ARHGAP12: variants seen among roughly 807,000 people sequenced by gnomAD.
ARHGAP12 encodes rho GTPase-activating protein 12.
ARHGAP12 carries 64 observed loss-of-function variants against 108.6 expected under a neutral mutation model. That is an observed-to-expected ratio of 0.59 (90% CI 0.48 to 0.73). ARHGAP12 has a LOEUF of 0.73. Ranked by LOEUF, ARHGAP12 falls within the 30% of genes least tolerant of loss-of-function variation. The probability of loss-of-function intolerance (pLI) is 0.00; values close to 1 mark genes in which losing one functional copy is unlikely to be tolerated. For missense variants in ARHGAP12, 940 were observed against 1,005.9 expected (o/e 0.93, Z 0.89); for synonymous variants, 312 against 337.2 (o/e 0.93, Z 0.82).
chr10:31,826,572 C>T (rs1317238964), intron 10 of ARHGAP12, among the ~76,000 whole-genome samples, 187 bp from the exon 11 acceptor site: 1 of 152,150 alleles, frequency 6.6e-6, no homozygotes, highest in Admixed American at 6.5e-5. Flanking sequence ...CAAACCTGAT[C>T]ATGAAGGCCC....
At chr10:31,866,608 A>C (rs546821947) in intron 3 of ARHGAP12, among the ~76,000 whole-genome samples, 98 of 152,004 alleles carry the variant, frequency 6.4e-4, no homozygotes, top group Non-Finnish European at 1.1e-3. Flanking sequence ...AAAAAGTTGA[A>C]GGAAATGCTC....
intron 13 of ARHGAP12, among the ~76,000 whole-genome samples, chr10:31,817,523 CT>C (rs1034535649): frequency 3.5e-4 from 54 of 152,294 alleles, no homozygotes; most frequent in African/African-American, 1.2e-3. Context: ...TTTACCCCTT[CT>C]TTTTGAACTA....
rs141368890 is a variant in ARHGAP12 at position 31,864,768 on chromosome 10, AATTGAGC to A, written c.685-3117_685-3111del. Among the ~76,000 whole-genome samples, 359 of 152,330 alleles carry A rather than the reference AATTGAGC, an allele frequency of 2.4e-3. 3 individuals are homozygous for A. Among genetic ancestry groups the A allele is most frequent in the African/African-American group, 8.2e-3 (342 of 41,578 alleles). ...TTAAGATAGAAACTATTGACAAATG[AATTGAGC>A]ATCATGTACTCAAGCTAGGTGATTA... On this transcript the variant is annotated intron_variant, in intron 3 of 19. Coordinates refer to ENST00000344936, the MANE Select transcript of ARHGAP12 (RefSeq NM_018287.7).
chr10:31,870,481 C>G (rs1327777922), intron 3 of ARHGAP12, among the ~76,000 whole-genome samples: 1 of 152,300 alleles, frequency 6.6e-6, no homozygotes, highest in East Asian at 1.9e-4. Context: ...CCACCCGCCT[C>G]AGCCTCCCAA....
chr10:31,881,037 C>G (rs574146344), intron 3 of ARHGAP12, among the ~76,000 whole-genome samples: 3 of 151,932 alleles, frequency 2.0e-5, no homozygotes, highest in Non-Finnish European at 2.9e-5. Context: ...CAATTCCCCC[C>G]ACCTTCCCCT....
intron 1 of ARHGAP12, among the ~76,000 whole-genome samples, chr10:31,912,305 A>AG (rs1839385781): frequency 6.6e-6 from 1 of 152,220 alleles, no homozygotes; most frequent in Non-Finnish European, 1.5e-5. Flanking sequence ...GCTCAGACAT[A>AG]CTATAGTTAG....
intron 11 of ARHGAP12, among the ~76,000 whole-genome samples, chr10:31,821,197 A>G (rs1165397985): frequency 6.6e-6 from 1 of 152,200 alleles, no homozygotes; most frequent in Non-Finnish European, 1.5e-5. Flanking sequence ...GACAGATGCT[A>G]TAAAGCATCA....
In ARHGAP12 at chr10:31,829,581, GACAGTACTGATGTATGATTCT is replaced by G. The variant is rs564004257; in HGVS notation, c.1448+2137_1448+2157del. ...TTTGACAACGTCCCAATACTTTTCT[GACAGTACTGATGTATGATTCT>G]TTGATATTATAAATAAAATGTGTAA... On this transcript the variant is annotated intron_variant, in intron 10 of 19. Coordinates refer to ENST00000344936, the MANE Select transcript of ARHGAP12 (RefSeq NM_018287.7). Among the ~76,000 whole-genome samples the G allele has an allele frequency of 5.5e-3, 845 of 152,282 alleles. 9 individuals are homozygous for G. Among genetic ancestry groups the G allele is most frequent in the African/African-American group, 0.019 (794 of 41,554 alleles).
chr10:31,852,651 GCTA>G (rs1379077648), intron 5 of ARHGAP12, 54 bp from the exon 6 acceptor site: 3 of 1,163,398 alleles, frequency 2.6e-6, no homozygotes, highest in Admixed American at 1.7e-5. Flanking sequence ...GTGAGTTTAA[GCTA>G]CTACTATCAG....
At chr10:31,864,949 A>C (rs1378129932) in intron 3 of ARHGAP12, among the ~76,000 whole-genome samples, 1 of 152,210 alleles carries the variant, frequency 6.6e-6, no homozygotes, top group Non-Finnish European at 1.5e-5. Context: ...GAAACAAGTG[A>C]CTAAGCCTTA....
intron 3 of ARHGAP12, among the ~76,000 whole-genome samples, chr10:31,879,698 A>G (rs558267888): frequency 6.6e-6 from 1 of 152,306 alleles, no homozygotes; most frequent in African/African-American, 2.4e-5. Context: ...ACTTGGCTCT[A>G]GTATTTTAAA....
chr10:31,910,937 AAAGAG>A (rs1839316901), intron 1 of ARHGAP12, among the ~76,000 whole-genome samples: 1 of 152,250 alleles, frequency 6.6e-6, no homozygotes, highest in African/African-American at 2.4e-5. Flanking sequence ...TTGAATGGGT[AAAGAG>A]AATAAAAACG....
At chr10:31,831,480 T>TG (rs1294061342) in intron 10 of ARHGAP12, among the ~76,000 whole-genome samples, 2 of 147,588 alleles carry the variant, frequency 1.4e-5, no homozygotes, top group South Asian at 4.3e-4. Context: ...TACTGCTTAC[T>TG]GAAAAAAAAA....
In ARHGAP12 at chr10:31,860,087, G is replaced by T. The variant is rs148927525; in HGVS notation, c.948+1308C>A. Among the ~76,000 whole-genome samples the T allele has an allele frequency of 5.9e-5, 9 of 152,170 alleles. No homozygotes were observed. In the East Asian group the frequency reaches 1.7e-3, roughly 29 times the overall value. Reference sequence around the variant, plus strand: ...GCGTCCAGCCAAATTTTCCTTTCTTGTTATAGTTAAACATGAACAATTTTT... The same window carrying T: ...GCGTCCAGCCAAATTTTCCTTTCTTTTTATAGTTAAACATGAACAATTTTT... On this transcript the variant is annotated intron_variant, in intron 4 of 19. Coordinates refer to ENST00000344936, the MANE Select transcript of ARHGAP12 (RefSeq NM_018287.7).
chr10:31,873,510 CA>C (rs1221169540), intron 3 of ARHGAP12, among the ~76,000 whole-genome samples: 1 of 152,154 alleles, frequency 6.6e-6, no homozygotes. Flanking sequence ...CACCCATGGC[CA>C]GTGGCTACTA....
intron 14 of ARHGAP12, 23 bp downstream of exon 14, chr10:31,814,236 A>G: frequency 1.3e-6 from 2 of 1,584,854 alleles, no homozygotes; most frequent in Non-Finnish European, 1.7e-6. Flanking sequence ...AATCCTTAGC[A>G]AAATAGGGAA....
Position 31,805,403 on chromosome 10 carries a change from T to A in ARHGAP12, c.*2255A>T, listed in dbSNP as rs1436251471. ...TTTTCTAAATCTGCAACTACCTTTT[T>A]CAATGACATTATGAAGGAAGACTTA... On this transcript the variant is annotated 3_prime_UTR_variant, in exon 20 of 20. Coordinates refer to ENST00000344936, the MANE Select transcript of ARHGAP12 (RefSeq NM_018287.7). 6.6e-6 allele frequency: 1 copy of A among 152,158 alleles called. No homozygotes were observed. Among genetic ancestry groups the A allele is most frequent in the Non-Finnish European group, 1.5e-5 (1 of 68,018 alleles). 9.4% of individuals were successfully genotyped at this position (152,158 alleles called of 1,614,324 possible).
At chr10:31,828,295 T>C (rs1297348187) in intron 10 of ARHGAP12, among the ~76,000 whole-genome samples, 2 of 152,144 alleles carry the variant, frequency 1.3e-5, no homozygotes, top group African/African-American at 2.4e-5. Context: ...TTTGCTTTTT[T>C]ATGCTTCAGT....
intron 3 of ARHGAP12, among the ~76,000 whole-genome samples, chr10:31,901,185 C>T (rs1171355850): frequency 1.3e-5 from 2 of 148,452 alleles, no homozygotes; most frequent in East Asian, 2.0e-4. Flanking sequence ...CACTGCACTC[C>T]ACTCTGGGTG....
Sources: allele counts gnomAD v4.1 joint callset (sites outside exome capture counted in the v4.1 genomes callset), GRCh38; gene constraint gnomAD v4.1.1; transcripts MANE v1.5; gene names NCBI Gene and HGNC (gene_info 2026-07-23, HGNC 2026-07-21).